Variants in PRDM1 observed in about 807,000 individuals in gnomAD.
PRDM1 encodes PR domain zinc finger protein 1.
Under a neutral mutation model 62.8 loss-of-function variants are expected in PRDM1, and 13 were observed. The ratio of observed to expected loss-of-function variants is 0.21; its 90% CI spans 0.13 to 0.33. The LOEUF is 0.33. Ranked by LOEUF, PRDM1 falls within the 10% of genes least tolerant of loss-of-function variation. The pLI is 1.00. For missense variants in PRDM1, 895 were observed against 1,058.8 expected, an observed-to-expected ratio of 0.85 and a Z score of 2.15; for synonymous variants, 396 against 417.6, an observed-to-expected ratio of 0.95 and a Z score of 0.63.
At chr6:106,039,576 A>C (rs1252718196) in intron 1 of PRDM1, among the ~76,000 whole-genome samples, 1 of 152,234 alleles carries the variant, frequency 6.6e-6, no homozygotes, top group East Asian at 1.9e-4. Context: ...TTCAGGAAAC[A>C]ACCACAGCTA....
At chr6:106,086,801 A>G (rs1040593297) in intron 1 of PRDM1, among the ~76,000 whole-genome samples, 4 of 152,120 alleles carry the variant, frequency 2.6e-5, no homozygotes, top group African/African-American at 9.7e-5. Flanking sequence ...ATAATTGCCA[A>G]TTCATTGAAA....
At chr6:106,015,108 G>A (rs1462852051) in intron 1 of PRDM1, among the ~76,000 whole-genome samples, 2 of 152,178 alleles carry the variant, frequency 1.3e-5, no homozygotes, top group Non-Finnish European at 2.9e-5. Context: ...TAACTCAAAG[G>A]TGGGGAGGTT....
chr6:106,049,579 A>G (rs1052267451), intron 1 of PRDM1, among the ~76,000 whole-genome samples: 1 of 151,944 alleles, frequency 6.6e-6, no homozygotes, highest in African/African-American at 2.4e-5. Flanking sequence ...CACCTTCTCC[A>G]CCACCTGCCC....
At chr6:105,995,200 G>A (rs895355920) in intron 1 of PRDM1, among the ~76,000 whole-genome samples, 1 of 151,786 alleles carries the variant, frequency 6.6e-6, no homozygotes, top group Non-Finnish European at 1.5e-5. Flanking sequence ...CGGGGCAGGT[G>A]CCAGCTCAGG....
At position 106,108,555 on chromosome 6, in the gene PRDM1, GCA is replaced by G. The variant is rs1294805568; in HGVS notation, c.*1072_*1073del. ...TTTTTTTTTTTTTAATGTCAAAATTGCACAAACATGGTGCTCTACCAGGAAGG... is the reference window on the plus strand; with the variant it reads ...TTTTTTTTTTTTTAATGTCAAAATTGCAAACATGGTGCTCTACCAGGAAGG... On this transcript the variant is annotated 3_prime_UTR_variant, in exon 7 of 7. Coordinates refer to ENST00000369096, the MANE Select transcript of PRDM1 (RefSeq NM_001198.4). 3 of 156,108 alleles carry G rather than the reference GCA, an allele frequency of 1.9e-5. No individual in the cohort carries two copies. The highest frequency in any genetic ancestry group is 3.5e-5 in the Non-Finnish European group (3 of 86,830). The allele number at this position is 156,108 out of a possible 1,614,324, so 9.7% of individuals were successfully genotyped here. A position where few individuals can be genotyped will look rare whatever the true frequency, so the allele number is the denominator to read the frequency against.
chr6:106,086,849 T>G (rs1264960931), intron 1 of PRDM1, among the ~76,000 whole-genome samples: 1 of 152,164 alleles, frequency 6.6e-6, no homozygotes, highest in African/African-American at 2.4e-5. Flanking sequence ...GTCAAACTAT[T>G]CCGGGTTGGC....
At chr6:106,052,126 C>A (rs1431307189) in intron 1 of PRDM1, among the ~76,000 whole-genome samples, 1 of 152,124 alleles carries the variant, frequency 6.6e-6, no homozygotes, top group African/African-American at 2.4e-5. Flanking sequence ...TGTGAATCTA[C>A]TTAATGCCAC....
upstream of PRDM1, among the ~76,000 whole-genome samples, chr6:106,084,127 T>A (rs983395644): frequency 6.6e-6 from 1 of 152,190 alleles, no homozygotes; most frequent in Admixed American, 6.5e-5. Context: ...ACTACTATAA[T>A]CATAGTCAAA....
rs1774185017 is a variant in PRDM1, at chr6:106,098,852, G to A, written c.412-448G>A. 3.9e-6 allele frequency: 6 copies of A among 1,524,846 alleles called. No individual in the cohort carries two copies. In the East Asian group the frequency reaches 1.5e-4, roughly 38 times the overall value. The allele number at this position is 1,524,846 out of a possible 1,614,324, so 94.5% of individuals were successfully genotyped here. A position where few individuals can be genotyped will look rare whatever the true frequency, so the allele number is the denominator to read the frequency against. ...GGCGAGTACAGAGGCCATAGAAAAAGCTAAGACTCAGTTTGACGTCGTCAG... is the reference window on the plus strand; with the variant it reads ...GGCGAGTACAGAGGCCATAGAAAAAACTAAGACTCAGTTTGACGTCGTCAG... On this transcript the variant is annotated intron_variant, in intron 3 of 6. Transcript: ENST00000369096.
At chr6:106,048,684 T>A (rs550137547) in exon 1 of PRDM1, among the ~76,000 whole-genome samples, 61 of 152,234 alleles carry the variant, frequency 4.0e-4, no homozygotes, top group Non-Finnish European at 7.5e-4. Flanking sequence ...AGGAGAGAAA[T>A]GTGTTTTATG....
chr6:106,006,127 G>T (rs1008419578), intron 1 of PRDM1, among the ~76,000 whole-genome samples: 12 of 152,228 alleles, frequency 7.9e-5, no homozygotes, highest in Admixed American at 2.0e-4. Context: ...CATGGAAAGT[G>T]CTGTATTCTG....
At chr6:106,088,164 G>T (rs532037693) in intron 1 of PRDM1, 37 bp from the exon 2 acceptor site, 1 of 1,552,410 alleles carries the variant, frequency 6.4e-7, no homozygotes, top group Non-Finnish European at 8.7e-7. Flanking sequence ...GGAACGGCGG[G>T]ACAATGGGGA....
intron 1 of PRDM1, among the ~76,000 whole-genome samples, chr6:106,018,327 A>T (rs764886862): frequency 6.6e-6 from 1 of 152,210 alleles, no homozygotes; most frequent in Non-Finnish European, 1.5e-5. Context: ...TTACAGAAAA[A>T]TTGAGAAGCT....
chr6:106,038,776 G>A (rs148953216), intron 1 of PRDM1, among the ~76,000 whole-genome samples: 2 of 152,336 alleles, frequency 1.3e-5, no homozygotes, highest in African/African-American at 2.4e-5. Context: ...GGTAGCTGCT[G>A]CTGAGTTAAG....
Position 106,095,539 on chromosome 6 carries a change from C to T in PRDM1, c.292-76C>T, listed in dbSNP as rs1774090171. On this transcript the variant is annotated intron_variant, in intron 2 of 6. Transcript: ENST00000369096. ...GTTAGTTGTATTACTACTTGACAGT[C>T]CAATTTATTTAATTGAAAAGATTGG... 1.1e-5 allele frequency: 16 copies of T among 1,522,302 alleles called. No individual in the cohort carries two copies. In the South Asian group the frequency reaches 1.9e-4, roughly 18 times the overall value. 94.3% of individuals were successfully genotyped at this position (1,522,302 alleles called of 1,614,324 possible).
chr6:106,067,194 A>C (rs1339372861), intron 1 of PRDM1, among the ~76,000 whole-genome samples: 1 of 152,206 alleles, frequency 6.6e-6, no homozygotes, highest in Non-Finnish European at 1.5e-5. Flanking sequence ...AACCGATTCC[A>C]CATTGTTAAT....
intron 4 of PRDM1, among the ~76,000 whole-genome samples, chr6:106,103,904 C>T (rs1348215762): frequency 6.6e-6 from 1 of 152,154 alleles, no homozygotes; most frequent in Non-Finnish European, 1.5e-5. Context: ...GGGATCCTGG[C>T]TAGACCAGAC....
At chr6:106,053,596 T>C (rs1031007106) in intron 1 of PRDM1, among the ~76,000 whole-genome samples, 2 of 152,156 alleles carry the variant, frequency 1.3e-5, no homozygotes, top group African/African-American at 4.8e-5. Flanking sequence ...GTATCCTGTT[T>C]GTTTTAATTC....
At chr6:105,996,328 G>A (rs1671836712) in intron 1 of PRDM1, among the ~76,000 whole-genome samples, 1 of 152,058 alleles carries the variant, frequency 6.6e-6, no homozygotes. Flanking sequence ...TCTGCTTGGT[G>A]TAGTAAAAAT....
Sources: allele counts gnomAD v4.1 joint callset (sites outside exome capture counted in the v4.1 genomes callset), GRCh38; gene constraint gnomAD v4.1.1; transcripts MANE v1.5; gene names NCBI Gene and HGNC (gene_info 2026-07-23, HGNC 2026-07-21).